CXCR4: variants seen among roughly 807,000 people sequenced by gnomAD.
CXCR4 encodes C-X-C chemokine receptor type 4.
A neutral mutation model predicts 22.4 loss-of-function variants in CXCR4; 6 were observed. The ratio of observed to expected loss-of-function variants is 0.27; its 90% confidence interval spans 0.15 to 0.53. The LOEUF is 0.53. Ranked by LOEUF, CXCR4 falls within the 20% of genes least tolerant of loss-of-function variation. The probability of loss-of-function intolerance (pLI) is 0.96; values close to 1 mark genes in which losing one functional copy is unlikely to be tolerated. For missense variants in CXCR4, 300 were observed against 430.4 expected, an observed-to-expected ratio of 0.70 and a Z score of 2.68; for synonymous variants, 155 against 171.7, an observed-to-expected ratio of 0.90 and a Z score of 0.76.
rs748189454 is a variant in CXCR4 at position 136,114,927 on chromosome 2, C to T, written c.1001G>A (p.Arg334Gln). The T allele has an allele frequency of 9.9e-6, 16 of 1,612,412 alleles. No homozygotes were observed. The highest frequency in any genetic ancestry group is 1.7e-4 in the Middle Eastern group (1 of 6,060). Residue 334 changes from arginine (R) to glutamine (Q), a missense_variant, in exon 2 of 2, where the codon CGA becomes CAA. Coordinates refer to ENST00000241393, the MANE Select transcript of CXCR4 (RefSeq NM_003467.3). The stretch of plus-strand genomic sequence containing the variant: ...AGTGGAAACAGATGAATGTCCACCT[C>T]GCTTTCCTTTGGAGAGGATCTTGAG... ...SSLKILSKGKRGGHSSVSTES... is the reference protein window; with the variant it reads ...SSLKILSKGKQGGHSSVSTES...
intron 1 of CXCR4, chr2:136,116,221 C>A: frequency 7.8e-7 from 1 of 1,277,438 alleles, no homozygotes; most frequent in East Asian, 3.9e-5. Context: ...CTCTGCCCCG[C>A]CCACTAGAGG....
chr2:136,117,370 A>G (rs545585343), intron 1 of CXCR4, among the ~76,000 whole-genome samples: 1 of 151,088 alleles, frequency 6.6e-6, no homozygotes, highest in African/African-American at 2.4e-5. Flanking sequence ...TCCCCCTCAA[A>G]CCCAAAGCGC....
Position 136,115,704 on chromosome 2 carries a change from T to C in CXCR4, c.224A>G (p.Lys75Arg). 1 of 1,614,256 alleles carries C rather than the reference T, an allele frequency of 6.2e-7. No homozygotes were observed. The highest frequency in any genetic ancestry group is 8.5e-7 in the Non-Finnish European group (1 of 1,180,048). ...GGCCACTGACAGGTGCAGCCTGTACTTGTCCGTCATGCTTCTCAGTTTCTT... is the reference window on the plus strand; with the variant it reads ...GGCCACTGACAGGTGCAGCCTGTACCTGTCCGTCATGCTTCTCAGTTTCTT... ...YQKKLRSMTD[K>R]YRLHLSVADL... The change falls in exon 2 of 2, where the codon AAG becomes AGG. Residue 75 changes from lysine to arginine, a missense_variant. By Grantham distance (26) the Lys-to-Arg change is conservative. Transcript: ENST00000241393. This position sits in a 1 kb window ranked among gnomAD's most constrained non-coding sequence, Gnocchi z 6.4.
chr2:136,117,041 A>C (rs186059305), intron 1 of CXCR4, among the ~76,000 whole-genome samples: 1 of 152,340 alleles, frequency 6.6e-6, no homozygotes, highest in Non-Finnish European at 1.5e-5. Context: ...CCCTAGCAAG[A>C]GGGTTTCAAA....
chr2:136,114,784 A>G lies in CXCR4; in HGVS notation c.*85T>C. 2 of 1,232,608 alleles carry G rather than the reference A, an allele frequency of 1.6e-6. No homozygotes were observed. The highest frequency in any genetic ancestry group is 2.3e-6 in the Non-Finnish European group (2 of 863,254). 76.4% of individuals were successfully genotyped at this position (1,232,608 alleles called of 1,614,324 possible). ...TCCAACAAGCAATAAAAACTGTACA[A>G]TATTGGTCAGTCTTTTATATCTGAA... On this transcript the variant is annotated 3_prime_UTR_variant, in exon 2 of 2. Transcript: ENST00000241393.
rs1403840239 is a variant in CXCR4 at position 136,115,994 on chromosome 2, TAAA to T, written c.16-85_16-83del. Reference sequence around the variant, plus strand: ...GTTAAAAAAAATTTTTAAAGCAATTTAAAAAACCAATTCAGGCTTGCTTTCTTC... The same window carrying T: ...GTTAAAAAAAATTTTTAAAGCAATTTAAACCAATTCAGGCTTGCTTTCTTC... On this transcript the variant is annotated intron_variant, in intron 1 of 1. Coordinates refer to ENST00000241393, the MANE Select transcript of CXCR4 (RefSeq NM_003467.3). This position sits in a 1 kb window ranked among gnomAD's most constrained non-coding sequence, Gnocchi z 6.4. The T allele has an allele frequency of 1.9e-6, 3 of 1,609,778 alleles. No individual in the cohort carries two copies. In the Admixed American group the frequency reaches 5.1e-5, roughly 27 times the overall value.
At position 136,115,453 on chromosome 2, in the gene CXCR4, C is replaced by T. The variant is rs910532454; in HGVS notation, c.475G>A (p.Gly159Ser). ...KLLAEKVVYV[G>S]VWIPALLLTI... Reference sequence around the variant, plus strand: ...AGCAGGAGGGCAGGGATCCAGACGCCAACATAGACCACCTTTTCAGCCAAC... The same window carrying T: ...AGCAGGAGGGCAGGGATCCAGACGCTAACATAGACCACCTTTTCAGCCAAC... The change falls in exon 2 of 2, where the codon GGC becomes AGC. Residue 159 changes from glycine to serine, a missense_variant. Gly to Ser is a moderately conservative substitution (Grantham distance 56, BLOSUM62 0). Coordinates refer to ENST00000241393, the MANE Select transcript of CXCR4 (RefSeq NM_003467.3). The surrounding 1 kb of genome is among the most constrained non-coding windows in gnomAD (Gnocchi z 6.4). 3 of 1,614,172 alleles carry T rather than the reference C, an allele frequency of 1.9e-6. No individual in the cohort carries two copies. The highest frequency in any genetic ancestry group is 1.7e-6 in the Non-Finnish European group (2 of 1,180,042).
At chr2:136,117,037 C>T (rs933784045) in intron 1 of CXCR4, among the ~76,000 whole-genome samples, 3 of 152,226 alleles carry the variant, frequency 2.0e-5, no homozygotes, top group Non-Finnish European at 4.4e-5. Flanking sequence ...AACTCCCTAG[C>T]AAGAGGGTTT....
intron 1 of CXCR4, chr2:136,117,570 A>T (rs948119058): frequency 1.2e-5 from 2 of 160,684 alleles, no homozygotes; most frequent in East Asian, 3.8e-4. Flanking sequence ...CCCCGAAGTT[A>T]AAGCGGGCGC....
chr2:136,117,924 A>AC (rs1465978440), intron 1 of CXCR4, 122 bp downstream of exon 1: 14 of 529,202 alleles, frequency 2.6e-5, no homozygotes, highest in Non-Finnish European at 4.4e-5. Context: ...CCTTTCGGTG[A>AC]CCCTTTTTTG....
Position 136,114,980 on chromosome 2 carries a change from T to G in CXCR4, c.948A>C (p.Ala316=). The part of the protein sequence containing the change: ...GAKFKTSAQH[A]LTSVSRGSSL... ...TGGACCCTCTGCTCACAGAGGTGAG[T>G]GCGTGCTGGGCAGAGGTTTTAAATT... is the stretch of plus-strand genomic sequence containing the variant. Residue 316 remains alanine, a synonymous_variant, in exon 2 of 2, where the codon GCA becomes GCC. Transcript: ENST00000241393. The G allele has an allele frequency of 6.2e-7, 1 of 1,614,054 alleles. No individual in the cohort carries two copies. The highest frequency in any genetic ancestry group is 8.5e-7 in the Non-Finnish European group (1 of 1,179,974).
intron 1 of CXCR4, chr2:136,117,418 T>G (rs1573616518): frequency 6.6e-6 from 1 of 151,916 alleles, no homozygotes; most frequent in African/African-American, 2.4e-5. Context: ...CACCACTCGA[T>G]CCCCTCAGAG....
At chr2:136,117,568 T>G in intron 1 of CXCR4, 1 of 160,506 alleles carries the variant, frequency 6.2e-6, no homozygotes, top group Non-Finnish European at 1.4e-5. Context: ...AACCCCGAAG[T>G]TAAAGCGGGC....
Position 136,114,852 on chromosome 2 carries a change from A to C in CXCR4, c.*17T>G. The C allele has an allele frequency of 6.3e-7, 1 of 1,579,720 alleles. No individual in the cohort carries two copies. Among genetic ancestry groups the C allele is most frequent in the South Asian group, 1.1e-5 (1 of 88,122 alleles). On this transcript the variant is annotated 3_prime_UTR_variant, in exon 2 of 2. Coordinates refer to ENST00000241393, the MANE Select transcript of CXCR4 (RefSeq NM_003467.3). ...AAAAGTTATTTATCGTATAAAAAAA[A>C]GTCTTTTACATCTGTGTTAGCTGGA...
chr2:136,118,128 C>T lies in CXCR4; in HGVS notation c.-68G>A, dbSNP rs2104922592. On this transcript the variant is annotated 5_prime_UTR_variant, in exon 1 of 2. Coordinates refer to ENST00000241393, the MANE Select transcript of CXCR4 (RefSeq NM_003467.3). ...CAGGCCCTCGGCGTCACTTTGCTAC[C>T]TGCTGCCGCAGCCAACAAACTGAAG... is the stretch of plus-strand genomic sequence containing the variant. The T allele has an allele frequency of 6.5e-7, 1 of 1,534,834 alleles. No individual in the cohort carries two copies.
At chr2:136,117,574 C>G (rs1684945760) in intron 1 of CXCR4, 1 of 160,328 alleles carries the variant, frequency 6.2e-6, no homozygotes, top group African/African-American at 2.4e-5. Flanking sequence ...GAAGTTAAAG[C>G]GGGCGCAATC....
intron 1 of CXCR4, chr2:136,116,310 TG>T: frequency 1.0e-6 from 1 of 965,718 alleles, no homozygotes; most frequent in Non-Finnish European, 1.3e-6. Flanking sequence ...GGGGGTGGGG[TG>T]GGTGCTGCTA....
Position 136,115,273 on chromosome 2 carries a change from A to T in CXCR4, c.655T>A (p.Tyr219Asn). Reference protein sequence around the residue: ...ILPGIVILSCYCIIISKLSHS... With the variant: ...ILPGIVILSCNCIIISKLSHS... Reference sequence around the variant, plus strand: ...GACAGCTTGGAGATGATAATGCAATAGCAGGACAGGATGACAATACCAGGC... The same window carrying T: ...GACAGCTTGGAGATGATAATGCAATTGCAGGACAGGATGACAATACCAGGC... The change falls in exon 2 of 2, where the codon TAT becomes AAT. Residue 219 changes from tyrosine (Y) to asparagine (N), a missense_variant. Transcript: ENST00000241393. This position sits in a 1 kb window ranked among gnomAD's most constrained non-coding sequence, Gnocchi z 6.4. The T allele has an allele frequency of 1.2e-6, 2 of 1,614,132 alleles. No homozygotes were observed. The highest frequency in any genetic ancestry group is 1.7e-6 in the Non-Finnish European group (2 of 1,180,020).
Position 136,115,226 on chromosome 2 carries a change from C to T in CXCR4, c.702G>A (p.Lys234=), listed in dbSNP as rs371074389. ...TGACTGTGGTCTTGAGGGCCTTGCG[C>T]TTCTGGTGGCCCTTGGAGTGTGACA... ...SKLSHSKGHQ[K]RKALKTTVIL... The change falls in exon 2 of 2, where the codon AAG becomes AAA. Residue 234 remains lysine (K), a synonymous_variant. Transcript: ENST00000241393. This position sits in a 1 kb window ranked among gnomAD's most constrained non-coding sequence, Gnocchi z 6.4. The T allele has an allele frequency of 3.1e-6, 5 of 1,613,942 alleles. No homozygotes were observed. The African/African-American group carries it at 6.7e-5, about 22-fold the overall frequency.
Sources: allele counts gnomAD v4.1 joint callset (sites outside exome capture counted in the v4.1 genomes callset), GRCh38; gene constraint gnomAD v4.1.1; non-coding constraint Gnocchi (gnomAD v3.1); transcripts MANE v1.5; gene names NCBI Gene and HGNC (gene_info 2026-07-23, HGNC 2026-07-21).